The following COG5 variants were observed in gnomAD, a reference collection of about 807,000 sequenced individuals.
COG5 encodes conserved oligomeric Golgi complex subunit 5.
COG5 carries 86 observed loss-of-function variants against 110.4 expected under a neutral mutation model. That is an observed-to-expected ratio of 0.78 (90% CI 0.65 to 0.93). The LOEUF (loss-of-function observed/expected upper bound fraction) is 0.93. Ranked by LOEUF, COG5 falls within the 40% of genes least tolerant of loss-of-function variation. The pLI, the probability that COG5 is intolerant of heterozygous loss-of-function variation, is 0.00. For missense variants in COG5, 1,077 were observed against 987.0 expected, an observed-to-expected ratio of 1.09 and a Z score of -1.22; for synonymous variants, 360 against 334.6, an observed-to-expected ratio of 1.08 and a Z score of -0.83.
chr7:107,370,502 T>C (rs930525409), intron 8 of COG5, among the ~76,000 whole-genome samples: 1 of 151,884 alleles, frequency 6.6e-6, no homozygotes. Context: ...TATAAAATAA[T>C]TGGCTGGGCG....
At chr7:107,430,717 T>C (rs1188039550) in intron 6 of COG5, among the ~76,000 whole-genome samples, 2 of 152,230 alleles carry the variant, frequency 1.3e-5, no homozygotes, top group East Asian at 3.8e-4. Context: ...CCATCTGTGC[T>C]AGGCATATTA....
At chr7:107,270,346 C>T (rs1446119841) in intron 14 of COG5, among the ~76,000 whole-genome samples, 1 of 151,538 alleles carries the variant, frequency 6.6e-6, no homozygotes, top group Non-Finnish European at 1.5e-5. Flanking sequence ...CTACAGCCTC[C>T]ACCTTCTGGG....
rs1034981452 is a variant in COG5, at chr7:107,306,560, T to G, written c.1109-8214A>C. Among the ~76,000 whole-genome samples the G allele has an allele frequency of 4.6e-5, 7 of 152,346 alleles. No individual in the cohort carries two copies. The South Asian group carries it at 1.4e-3, about 32-fold the overall frequency. On this transcript the variant is annotated intron_variant, in intron 11 of 21. Coordinates refer to ENST00000297135, the MANE Select transcript of COG5 (RefSeq NM_006348.5). ...GATGGAATGAATGAAAATATCTGTC[T>G]ATAGCCCTAAGAGATTTCTCACATT...
At chr7:107,539,936 C>G (rs1209279821) in intron 5 of COG5, among the ~76,000 whole-genome samples, 1 of 152,162 alleles carries the variant, frequency 6.6e-6, no homozygotes, top group Non-Finnish European at 1.5e-5. Context: ...TAACAATTGT[C>G]TCAGATTACC....
chr7:107,381,082 A>C (rs569549845), intron 7 of COG5, among the ~76,000 whole-genome samples: 1 of 152,348 alleles, frequency 6.6e-6, no homozygotes, highest in South Asian at 2.1e-4. Context: ...CTGTGTGAAC[A>C]TATTAATTAA....
chr7:107,326,399 G>A (rs929509192), intron 10 of COG5, among the ~76,000 whole-genome samples: 2 of 152,056 alleles, frequency 1.3e-5, no homozygotes, highest in African/African-American at 4.8e-5. Context: ...CTTGTATGTA[G>A]ATAATCCTAG....
rs773647928 is a variant in COG5, at chr7:107,236,532, A to G, written c.2009T>C (p.Val670Ala). The change falls in exon 18 of 22, where the codon GTT becomes GCT. Residue 670 changes from valine (V) to alanine (A), a missense_variant. Physicochemically the swap from Val to Ala is moderately conservative, Grantham distance 64. Transcript: ENST00000297135. ...DNTEAIAQRAVELFIRHASLI... is the reference protein window; with the variant it reads ...DNTEAIAQRAAELFIRHASLI... ...ACTGGCATGGCGGATAAAAAGTTCA[A>G]CAGCTCTTTGGGCAATAGCCTCAGT... The G allele has an allele frequency of 1.2e-5, 20 of 1,614,116 alleles. No individual in the cohort carries two copies. Among genetic ancestry groups the G allele is most frequent in the Admixed American group, 1.7e-5 (1 of 60,018 alleles).
At chr7:107,229,021 AT>A (rs752619327) in intron 19 of COG5, among the ~76,000 whole-genome samples, 14 of 152,070 alleles carry the variant, frequency 9.2e-5, no homozygotes, top group Non-Finnish European at 1.5e-4. Flanking sequence ...TCTTATCCTT[AT>A]TGAGAAATCT....
intron 12 of COG5, among the ~76,000 whole-genome samples, chr7:107,296,561 T>TGG (rs1806762009): frequency 1.1e-4 from 17 of 150,920 alleles, no homozygotes; most frequent in Middle Eastern, 3.4e-3. Flanking sequence ...TGGCCATTTA[T>TGG]TTTGCCAGTC....
At chr7:107,254,474 A>G (rs1156600147) in intron 16 of COG5, among the ~76,000 whole-genome samples, 8 of 152,140 alleles carry the variant, frequency 5.3e-5, no homozygotes, top group Admixed American at 5.2e-4. Context: ...GTGTATTAAC[A>G]TGAGCAATGA....
intron 21 of COG5, chr7:107,208,579 C>T (rs1798931415): frequency 1.0e-6 from 1 of 985,272 alleles, no homozygotes; most frequent in African/African-American, 1.7e-5. Flanking sequence ...CATTGCAAAT[C>T]CCTGTGTTAG....
intron 16 of COG5, among the ~76,000 whole-genome samples, chr7:107,249,833 A>C (rs1005486935): frequency 1.3e-5 from 2 of 151,852 alleles, no homozygotes; most frequent in African/African-American, 4.8e-5. Context: ...CCAAAATCTG[A>C]AAGTGTCCAG....
intron 6 of COG5, among the ~76,000 whole-genome samples, chr7:107,452,786 TC>T (rs1251794392): frequency 6.6e-6 from 1 of 152,168 alleles, no homozygotes; most frequent in Non-Finnish European, 1.5e-5. Flanking sequence ...TTTCTTGTAT[TC>T]CCCATCTTTA....
At chr7:107,351,902 G>A (rs1282301317) in intron 10 of COG5, among the ~76,000 whole-genome samples, 1 of 149,324 alleles carries the variant, frequency 6.7e-6, no homozygotes, top group East Asian at 2.0e-4. Flanking sequence ...AGTCAGTGTG[G>A]CGATTCCTCA....
At chr7:107,211,289 G>C (rs1458159015) in intron 19 of COG5, 64 bp from the exon 20 acceptor site, 1 of 1,555,448 alleles carries the variant, frequency 6.4e-7, no homozygotes. Context: ...TTTGGTGGGA[G>C]AATCATTCTC....
intron 12 of COG5, among the ~76,000 whole-genome samples, chr7:107,287,737 T>C (rs1391296057): frequency 6.6e-6 from 1 of 151,942 alleles, no homozygotes; most frequent in Non-Finnish European, 1.5e-5. Context: ...GATAATATAC[T>C]GTGTGTATCT....
intron 19 of COG5, among the ~76,000 whole-genome samples, 151 bp downstream of exon 19, chr7:107,230,441 CATAAATATCTATATGGGTTTCTG>C (rs1330629228): frequency 6.6e-6 from 1 of 152,152 alleles, no homozygotes; most frequent in Non-Finnish European, 1.5e-5. Context: ...TTAGTCATTA[CATAAATATCTATATGGGTTTCTG>C]ATTTGAATAC....
At chr7:107,475,612 T>A in intron 6 of COG5, 1 of 334,090 alleles carries the variant, frequency 3.0e-6, no homozygotes, top group Non-Finnish European at 5.7e-6. Flanking sequence ...ACAGAAAATA[T>A]TCATGTAAGT....
chr7:107,247,309 A>G (rs1802131641), intron 17 of COG5, among the ~76,000 whole-genome samples: 1 of 152,208 alleles, frequency 6.6e-6, no homozygotes, highest in Admixed American at 6.5e-5. Flanking sequence ...TATGTACAAC[A>G]AATCTCCATG....
Sources: gnomAD v4.1 joint callset for allele counts (sites outside exome capture counted in the v4.1 genomes callset) on GRCh38, gnomAD v4.1.1 for gene constraint, MANE v1.5 for transcripts, NCBI Gene and HGNC (gene_info 2026-07-23, HGNC 2026-07-21) for gene names.